The following NLRP9 variants were observed in gnomAD, a reference collection of about 807,000 sequenced individuals.
NLRP9 encodes the protein NACHT, LRR and PYD domains-containing protein 9.
Under a neutral mutation model 83.1 loss-of-function variants are expected in NLRP9, and 88 were observed. The observed-to-expected ratio is 1.06, with a 90% CI of 0.89 to 1.26. NLRP9 has a LOEUF of 1.26. NLRP9 is among the 50% of genes most tolerant of loss of function. NLRP9 has a pLI of 0.00. For synonymous variants in NLRP9, 521 were observed against 447.6 expected (o/e 1.16, Z -2.07); for missense variants, 1,308 against 1,179.3 (o/e 1.11, Z -1.60).
chr19:55,736,967 A>C (rs898777165), intron 1 of NLRP9, among the ~76,000 whole-genome samples: 1 of 152,238 alleles, frequency 6.6e-6, no homozygotes, highest in Non-Finnish European at 1.5e-5. Context: ...ACAAAGAAGA[A>C]ACATGAACAA....
Position 55,724,054 on chromosome 19 carries a change from A to G in NLRP9, c.2085T>C (p.Thr695=), listed in dbSNP as rs1423448686. ...PHLKLLSLYG[T]SLSQSDIRHL... ...GTCTGATGTCAGACTGGGAGAGGCTAGTGCCGTACAGGCTCAGAAGTTTCA... is the reference window on the plus strand; with the variant it reads ...GTCTGATGTCAGACTGGGAGAGGCTGGTGCCGTACAGGCTCAGAAGTTTCA... The change falls in exon 4 of 9, where the codon ACT becomes ACC. Residue 695 remains threonine, a synonymous_variant. Coordinates refer to ENST00000332836, the MANE Select transcript of NLRP9 (RefSeq NM_176820.4). 6.2e-7 allele frequency: 1 copy of G among 1,613,676 alleles called. No homozygotes were observed. Among genetic ancestry groups the G allele is most frequent in the Non-Finnish European group, 8.5e-7 (1 of 1,179,530 alleles).
In NLRP9 at chr19:55,732,139, G is replaced by C; in HGVS notation, c.1692C>G (p.Phe564Leu). ...CAATATAAATGAAAACTTCTTCAAA[G>C]AAATTCATCACTTTGGTTACAAATT... The part of the protein sequence containing the change: ...EKEFVTKVMN[F>L]FEEVFIYIGN... The change falls in exon 2 of 9, where the codon TTC becomes TTG. Residue 564 changes from phenylalanine to leucine, a missense_variant. Phe to Leu is a conservative substitution (Grantham distance 22, BLOSUM62 0). Transcript: ENST00000332836. 6.2e-7 allele frequency: 1 copy of C among 1,613,022 alleles called. No individual in the cohort carries two copies. The highest frequency in any genetic ancestry group is 1.1e-5 in the South Asian group (1 of 90,726).
At chr19:55,728,214 A>G (rs962623455) in intron 3 of NLRP9, among the ~76,000 whole-genome samples, 1 of 152,230 alleles carries the variant, frequency 6.6e-6, no homozygotes, top group Non-Finnish European at 1.5e-5. Context: ...CAGTGCCGGT[A>G]GAATTTACGA....
chr19:55,711,399 T>C lies in NLRP9; in HGVS notation c.2843+401A>G, dbSNP rs1355358745. On this transcript the variant is annotated intron_variant, in intron 8 of 8. Transcript: ENST00000332836. ...AACTGCTGCCATTTGGCGAATGTAT[T>C]TCTGAATCAAGACCTTAGCCCATTC... 7.9e-6 allele frequency: 10 copies of C among 1,266,598 alleles called. No homozygotes were observed. In the East Asian group the frequency reaches 5.6e-4, roughly 71 times the overall value. The allele number at this position is 1,266,598 out of a possible 1,614,324, so 78.5% of individuals were successfully genotyped here. A position where few individuals can be genotyped will look rare whatever the true frequency, so the allele number is the denominator to read the frequency against.
chr19:55,736,722 T>C (rs1372478274), intron 1 of NLRP9, among the ~76,000 whole-genome samples: 1 of 151,818 alleles, frequency 6.6e-6, no homozygotes, highest in Non-Finnish European at 1.5e-5. Flanking sequence ...TAATCCCAGC[T>C]ACTCGGGAAG....
At position 55,732,514 on chromosome 19, in the gene NLRP9, G is replaced by A; in HGVS notation, c.1317C>T (p.Asp439=). The part of the protein sequence containing the change: ...VGMRLLQRRG[D]CFAFMHLCIQ... ...TACACAGATGCATGAAGGCAAAACA[G>A]TCCCCTCTCCTTTGGAGGAGTCTCA... The change falls in exon 2 of 9, where the codon GAC becomes GAT. Residue 439 remains aspartate, a synonymous_variant. Transcript: ENST00000332836. The A allele has an allele frequency of 1.2e-6, 2 of 1,614,188 alleles. No homozygotes were observed. Among genetic ancestry groups the A allele is most frequent in the Admixed American group, 3.3e-5 (2 of 60,014 alleles).
chr19:55,708,867 G>T lies in NLRP9; in HGVS notation c.*45C>A, dbSNP rs200640694. ...GGTGCCAGGTGAAGGTCCCACTGTG[G>T]CCAAGGAAAGCCTTTGTGAGACGAC... On this transcript the variant is annotated 3_prime_UTR_variant, in exon 9 of 9. Transcript: ENST00000332836. 1,244 of 1,450,364 alleles carry T rather than the reference G, an allele frequency of 8.6e-4. 2 individuals are homozygous for T. The highest frequency in any genetic ancestry group is 1.0e-3 in the Non-Finnish European group (1,133 of 1,092,150). The allele number at this position is 1,450,364 out of a possible 1,614,324, so 89.8% of individuals were successfully genotyped here.
chr19:55,738,197 C>G lies in NLRP9; in HGVS notation c.178G>C (p.Asp60His). 6.2e-7 allele frequency: 1 copy of G among 1,614,140 alleles called. No homozygotes were observed. The highest frequency in any genetic ancestry group is 8.5e-7 in the Non-Finnish European group (1 of 1,180,006). ...GCCTGCTTTCCTGGGTAATGTTTGT[C>G]CAGCAGCTTTGCTACATCTTCTTTG... ...ASKEDVAKLL[D>H]KHYPGKQAWE... The change falls in exon 1 of 9, where the codon GAC (aspartate) becomes CAC (histidine). Residue 60 changes from aspartate (D) to histidine (H), a missense_variant. Physicochemically the swap from Asp to His is moderately conservative, Grantham distance 81. Transcript: ENST00000332836.
At chr19:55,714,402 C>T (rs1987926842) in intron 6 of NLRP9, among the ~76,000 whole-genome samples, 1 of 152,114 alleles carries the variant, frequency 6.6e-6, no homozygotes, top group African/African-American at 2.4e-5. Context: ...CTCTAGCTAT[C>T]CTCTCATTAC....
rs1259562150 is a variant in NLRP9, at chr19:55,733,499, C to T, written c.332G>A (p.Trp111Ter). The change falls in exon 2 of 9, where the codon TGG becomes TAG. Residue 111 changes from tryptophan to a stop codon, truncating the protein, a stop_gained. Coordinates refer to ENST00000332836, the MANE Select transcript of NLRP9 (RefSeq NM_176820.4). LOFTEE classifies it high-confidence loss of function. ...KHMKETFQLI[W>*]EKETCLHVPE... ...GACGTGAAGACAGGTTTCCTTCTCC[C>T]ATATGAGTTGAAATGTTTCCTTCAT... 1 of 1,610,746 alleles carries T rather than the reference C, an allele frequency of 6.2e-7. No individual in the cohort carries two copies.
At chr19:55,729,044 C>CTTTTTTTTTTTTT (rs199974942) in intron 3 of NLRP9, among the ~76,000 whole-genome samples, 1 of 98,232 alleles carries the variant, frequency 1.0e-5, no homozygotes, top group African/African-American at 4.3e-5. Context: ...TCTTATTTTT[C>CTTTTTTTTTTTTT]TTTTTCTTTT....
At position 55,727,579 on chromosome 19, in the gene NLRP9, T is replaced by G. The variant is rs139763175; in HGVS notation, c.1994+2252A>C. ...TTCAGATACTGCTTATGCGTTATAA[T>G]CAAGCCAGTCCCCTACTTTAACATT... On this transcript the variant is annotated intron_variant, in intron 3 of 8. Coordinates refer to ENST00000332836, the MANE Select transcript of NLRP9 (RefSeq NM_176820.4). Among the ~76,000 whole-genome samples, 6 of 152,316 alleles carry G rather than the reference T, an allele frequency of 3.9e-5. No homozygotes were observed. The East Asian group carries it at 1.2e-3, about 29-fold the overall frequency.
chr19:55,733,806 A>T (rs984590563), intron 1 of NLRP9, among the ~76,000 whole-genome samples: 2 of 152,108 alleles, frequency 1.3e-5, no homozygotes, highest in Non-Finnish European at 2.9e-5. Context: ...ATTCTCTCTG[A>T]AGGTCTCCTG....
intron 1 of NLRP9, among the ~76,000 whole-genome samples, chr19:55,736,587 A>G (rs556073784): frequency 1.2e-4 from 18 of 152,216 alleles, no homozygotes; most frequent in Admixed American, 3.3e-4. Context: ...TAATCACAGC[A>G]CTTTGGGAAG....
chr19:55,730,273 G>A (rs969601374), intron 2 of NLRP9, among the ~76,000 whole-genome samples: 2 of 152,110 alleles, frequency 1.3e-5, no homozygotes, highest in Non-Finnish European at 2.9e-5. Context: ...GGGCAACATA[G>A]CAAGACTCCA....
Position 55,717,455 on chromosome 19 carries a change from C to T in NLRP9, c.2160-557G>A, listed in dbSNP as rs147400476. On this transcript the variant is annotated intron_variant, in intron 4 of 8. Coordinates refer to ENST00000332836, the MANE Select transcript of NLRP9 (RefSeq NM_176820.4). ...CTTCTCACCACCTGGGGTGATTTGC[C>T]CTAATGGAGACATGTGGAAATGTCT... Among the ~76,000 whole-genome samples, 824 of 152,236 alleles carry T rather than the reference C, an allele frequency of 5.4e-3. 6 individuals carry two copies. The highest frequency in any genetic ancestry group is 7.5e-3 in the Non-Finnish European group (510 of 68,010).
rs571881540 is a variant in NLRP9, at chr19:55,737,852, T to C, written c.280+243A>G. 2.0e-5 allele frequency among the ~76,000 whole-genome samples: 3 copies of C among 151,210 alleles called. 1 individual carries two copies. Among genetic ancestry groups the C allele is most frequent in the Admixed American group, 2.0e-4 (3 of 15,174 alleles). On this transcript the variant is annotated intron_variant, in intron 1 of 8. Transcript: ENST00000332836. ...TCATCTCCTATAACAACGACTCCAC[T>C]TGGGGTGGAAAAATGGGAAGACACT...
In NLRP9 at chr19:55,733,536, A is replaced by G. The variant is rs1473068565; in HGVS notation, c.295T>C (p.Tyr99His). The change falls in exon 2 of 9, where the codon TAC becomes CAC. Residue 99 changes from tyrosine (Y) to histidine (H), a missense_variant. Physicochemically the swap from Tyr to His is moderately conservative, Grantham distance 83. Transcript: ENST00000332836. ...AATGTTTCCTTCATATGCTTTCTGT[A>G]TGGGTTTAGCTTATCTGTGTTAATG... is the stretch of plus-strand genomic sequence containing the variant. ...QEEMRNKLNP[Y>H]RKHMKETFQL... The G allele has an allele frequency of 1.9e-6, 3 of 1,586,244 alleles. No individual in the cohort carries two copies. Among genetic ancestry groups the G allele is most frequent in the Admixed American group, 1.7e-5 (1 of 57,622 alleles).
chr19:55,729,724 C>T (rs1988514434), intron 3 of NLRP9, 107 bp downstream of exon 3: 1 of 868,738 alleles, frequency 1.2e-6, no homozygotes, highest in African/African-American at 1.7e-5. Context: ...ATTTAACACA[C>T]TGGATTGCCG....
Sources: allele counts gnomAD v4.1 joint callset (sites outside exome capture counted in the v4.1 genomes callset), GRCh38; gene constraint gnomAD v4.1.1; transcripts MANE v1.5; gene names NCBI Gene and HGNC (gene_info 2026-07-23, HGNC 2026-07-21).